The following EPB41L2 variants were observed in gnomAD, a reference collection of about 807,000 sequenced individuals.
EPB41L2 encodes band 4.1-like protein 2.
In EPB41L2, 43 loss-of-function variants were observed where a neutral mutation model predicts 113.0. The observed-to-expected ratio is 0.38, with a 90% CI of 0.30 to 0.49. EPB41L2 has a LOEUF of 0.49. Among genes scored for constraint, EPB41L2 ranks in the 20% least tolerant of loss-of-function variants. EPB41L2 has a pLI of 0.95. For missense variants in EPB41L2, 1,147 were observed against 1,223.4 expected (o/e 0.94, Z 0.93); for synonymous variants, 442 against 436.7 (o/e 1.01, Z -0.15).
rs9492752 is a variant in EPB41L2 at position 130,920,247 on chromosome 6, A to G, written c.810+6358T>C. Among the ~76,000 whole-genome samples the G allele has an allele frequency of 7.8e-3, 1,184 of 152,294 alleles. 11 individuals are homozygous for G. The highest frequency in any genetic ancestry group is 0.025 in the African/African-American group (1,040 of 41,558). ...GTCACACGAGGCTATTTCAATTTAAATTACTTACAGTAAATAAAATTTAAG... is the reference window on the plus strand; with the variant it reads ...GTCACACGAGGCTATTTCAATTTAAGTTACTTACAGTAAATAAAATTTAAG... On this transcript the variant is annotated intron_variant, in intron 4 of 19. Coordinates refer to ENST00000337057, the MANE Select transcript of EPB41L2 (RefSeq NM_001431.4).
chr6:130,947,289 C>T (rs1033468675), intron 3 of EPB41L2, among the ~76,000 whole-genome samples: 7 of 152,132 alleles, frequency 4.6e-5, no homozygotes, highest in East Asian at 1.9e-4. Context: ...CTTTGAGTGG[C>T]TTCTCTCCAT....
At chr6:130,989,327 G>A (rs1781294526) in intron 1 of EPB41L2, among the ~76,000 whole-genome samples, 1 of 152,128 alleles carries the variant, frequency 6.6e-6, no homozygotes, top group Non-Finnish European at 1.5e-5. Flanking sequence ...AGCTCCACAA[G>A]GCTGTATAAT....
At chr6:131,051,463 A>AAAAC (rs1554356231) in intron 1 of EPB41L2, among the ~76,000 whole-genome samples, 2 of 149,174 alleles carry the variant, frequency 1.3e-5, no homozygotes, top group Non-Finnish European at 3.0e-5. Context: ...AAAAAAAAAA[A>AAAAC]AAACACACAC....
intron 1 of EPB41L2, among the ~76,000 whole-genome samples, chr6:130,988,253 A>G (rs1250069789): frequency 6.6e-6 from 1 of 152,236 alleles, no homozygotes. Context: ...GAATAACTAA[A>G]AAATAATGCC....
chr6:130,892,131 C>T (rs1453963854), intron 10 of EPB41L2, among the ~76,000 whole-genome samples: 1 of 152,058 alleles, frequency 6.6e-6, no homozygotes, highest in Non-Finnish European at 1.5e-5. Flanking sequence ...TGAGGCTTTG[C>T]ACAGCTAATG....
At chr6:130,951,187 G>A (rs1814808385) in intron 3 of EPB41L2, among the ~76,000 whole-genome samples, 1 of 144,942 alleles carries the variant, frequency 6.9e-6, no homozygotes, top group Admixed American at 6.9e-5. Context: ...AACCCAGGAG[G>A]TGGAGGTTTC....
At chr6:130,959,545 T>C (rs150918280) in intron 1 of EPB41L2, among the ~76,000 whole-genome samples, 2 of 152,280 alleles carry the variant, frequency 1.3e-5, no homozygotes, top group African/African-American at 4.8e-5. Context: ...TAAGAGGGAA[T>C]AGTTAACTAT....
intron 4 of EPB41L2, among the ~76,000 whole-genome samples, chr6:130,923,380 T>C (rs1803528758): frequency 6.6e-6 from 1 of 152,206 alleles, no homozygotes. Context: ...AAAGGAAATG[T>C]CCCAAGCCTT....
At chr6:130,920,203 T>C (rs959816219) in intron 4 of EPB41L2, among the ~76,000 whole-genome samples, 2 of 152,202 alleles carry the variant, frequency 1.3e-5, no homozygotes, top group African/African-American at 4.8e-5. Context: ...GTCACCACTG[T>C]GCAATATGAT....
chr6:130,982,989 T>C (rs1287199217), intron 1 of EPB41L2, among the ~76,000 whole-genome samples: 1 of 152,202 alleles, frequency 6.6e-6, no homozygotes, highest in Admixed American at 6.5e-5. Context: ...CTAGTTTATG[T>C]GAGATAAATT....
chr6:130,855,837 A>G (rs527623115), intron 19 of EPB41L2, among the ~76,000 whole-genome samples: 1 of 152,124 alleles, frequency 6.6e-6, no homozygotes, highest in South Asian at 2.1e-4. Context: ...ATGTAACAGG[A>G]AGAGCCAAGA....
chr6:130,917,634 G>C (rs770990505), intron 4 of EPB41L2, among the ~76,000 whole-genome samples: 1 of 152,118 alleles, frequency 6.6e-6, no homozygotes, highest in African/African-American at 2.4e-5. Flanking sequence ...CGTATCTGGA[G>C]CTGAGCCCAA....
intron 1 of EPB41L2, among the ~76,000 whole-genome samples, chr6:130,983,359 T>C (rs1403111783): frequency 1.3e-5 from 2 of 152,166 alleles, no homozygotes; most frequent in Admixed American, 1.3e-4. Flanking sequence ...AATGTATCCT[T>C]AAGGTGATTG....
chr6:130,921,501 A>T (rs1008463743), intron 4 of EPB41L2, among the ~76,000 whole-genome samples: 62 of 152,110 alleles, frequency 4.1e-4, no homozygotes, highest in Admixed American at 2.0e-4. Context: ...AGAGGCTGGA[A>T]CTGCCACATC....
At chr6:130,916,178 G>A (rs1174576060) in intron 4 of EPB41L2, among the ~76,000 whole-genome samples, 2 of 152,018 alleles carry the variant, frequency 1.3e-5, no homozygotes, top group African/African-American at 4.8e-5. Context: ...TTTTTTTCCT[G>A]CCTTAAAAGG....
intron 3 of EPB41L2, among the ~76,000 whole-genome samples, chr6:130,949,657 C>A (rs1162253212): frequency 6.6e-6 from 1 of 151,476 alleles, no homozygotes. Context: ...TGGGATAGGA[C>A]GAGAAAATTA....
At chr6:131,062,883 C>A (rs915248072) in intron 1 of EPB41L2, among the ~76,000 whole-genome samples, 5 of 152,100 alleles carry the variant, frequency 3.3e-5, no homozygotes, top group Non-Finnish European at 5.9e-5. Context: ...AAGCCGGGAT[C>A]CGGCCCGGAG....
At chr6:130,890,250 A>G in intron 11 of EPB41L2, 44 bp downstream of exon 11, 16 of 1,578,382 alleles carry the variant, frequency 1.0e-5, no homozygotes, top group Non-Finnish European at 1.4e-5. Flanking sequence ...TCATGGGATT[A>G]GAGAAAGATG....
At chr6:130,862,379 T>C (rs6907284) in intron 18 of EPB41L2, among the ~76,000 whole-genome samples, 120,119 of 152,110 alleles carry the variant, frequency 0.79, 48,181 homozygotes, top group East Asian at 1. Context: ...GAGCTTGTGC[T>C]TCACATATTC....
Sources: allele counts gnomAD v4.1 joint callset (sites outside exome capture counted in the v4.1 genomes callset), GRCh38; gene constraint gnomAD v4.1.1; transcripts MANE v1.5; gene names NCBI Gene and HGNC (gene_info 2026-07-23, HGNC 2026-07-21).